The following PDE10A variants were observed in gnomAD, a reference collection of about 807,000 sequenced individuals.
The protein encoded by PDE10A is phosphodiesterase 10A.
Under a neutral mutation model 97.7 loss-of-function variants are expected in PDE10A, and 39 were observed. The ratio of observed to expected loss-of-function variants is 0.40; its 90% confidence interval spans 0.31 to 0.52. The LOEUF (loss-of-function observed/expected upper bound fraction) is 0.52. Among genes scored for constraint, PDE10A ranks in the 20% least tolerant of loss-of-function variants. PDE10A has a pLI of 0.56. For missense variants in PDE10A, 731 were observed against 1,047.8 expected, an observed-to-expected ratio of 0.70 and a Z score of 4.17; for synonymous variants, 371 against 376.8, an observed-to-expected ratio of 0.98 and a Z score of 0.18.
intron 1 of PDE10A, among the ~76,000 whole-genome samples, chr6:165,891,837 G>A (rs1482502461): frequency 6.6e-6 from 1 of 152,028 alleles, no homozygotes; most frequent in Non-Finnish European, 1.5e-5. Context: ...CTCCGTTCTA[G>A]GCAACAAAAG....
chr6:165,847,456 G>A (rs1255083123), intron 1 of PDE10A, among the ~76,000 whole-genome samples: 1 of 152,260 alleles, frequency 6.6e-6, no homozygotes, highest in African/African-American at 2.4e-5. Context: ...CGGCCAAAGT[G>A]GGCAAAACTC....
chr6:165,438,792 T>C (rs750482446), intron 5 of PDE10A, among the ~76,000 whole-genome samples: 19 of 151,782 alleles, frequency 1.3e-4, no homozygotes, highest in Non-Finnish European at 1.3e-4. Flanking sequence ...ATCTGACCTC[T>C]ACAAAAAATA....
At chr6:165,478,602 C>A (rs2128278675) in intron 3 of PDE10A, among the ~76,000 whole-genome samples, 1 of 152,290 alleles carries the variant, frequency 6.6e-6, no homozygotes, top group Admixed American at 6.5e-5. Context: ...AAGTATTTTA[C>A]CCCAAATATA....
At chr6:165,484,958 G>A (rs547998165) in intron 2 of PDE10A, among the ~76,000 whole-genome samples, 1 of 152,222 alleles carries the variant, frequency 6.6e-6, no homozygotes, top group East Asian at 1.9e-4. Flanking sequence ...TTGAAAAGGG[G>A]GAAGACCTCA....
chr6:165,923,973 G>T (rs1376492043), intron 1 of PDE10A, among the ~76,000 whole-genome samples: 1 of 152,082 alleles, frequency 6.6e-6, no homozygotes, highest in Non-Finnish European at 1.5e-5. Flanking sequence ...TGGAGGCCAG[G>T]GATTCAAGAC....
intron 1 of PDE10A, among the ~76,000 whole-genome samples, chr6:165,981,409 C>T (rs753226242): frequency 4.6e-5 from 7 of 152,152 alleles, no homozygotes; most frequent in Non-Finnish European, 8.8e-5. Flanking sequence ...TAATCAAAGT[C>T]ACAGAAATTG....
In PDE10A at chr6:165,957,623, C is replaced by T. The variant is rs1010276500; in HGVS notation, c.-615+29906G>A. ...TGACTTTATTTGTGCAATTTGACTC[C>T]AAAGCCCATGGGAGTCCAGCTCCAA... is the stretch of plus-strand genomic sequence containing the variant. On this transcript the variant is annotated intron_variant, in intron 1 of 19. Transcript: ENST00000366882. Among the ~76,000 whole-genome samples, 13 of 152,314 alleles carry T rather than the reference C, an allele frequency of 8.5e-5. No homozygotes were observed. In the East Asian group the frequency reaches 2.5e-3, roughly 29 times the overall value.
intron 2 of PDE10A, among the ~76,000 whole-genome samples, chr6:165,521,760 C>A (rs775756506): frequency 8.5e-5 from 13 of 152,138 alleles, no homozygotes; most frequent in Non-Finnish European, 1.8e-4. Context: ...TAAGGAAAGA[C>A]GCCATCTCCA....
chr6:165,418,515 G>C lies in PDE10A; in HGVS notation c.1796+120C>G. ...ACCTTCAGGAGGCGGGTCCTGGTGGGAATGATATCACAGTATGACAAGTAT... is the reference window on the plus strand; with the variant it reads ...ACCTTCAGGAGGCGGGTCCTGGTGGCAATGATATCACAGTATGACAAGTAT... On this transcript the variant is annotated intron_variant, in intron 11 of 21. Coordinates refer to ENST00000539869, the MANE Select transcript of PDE10A (RefSeq NM_001385079.1). This position sits in a 1 kb window ranked among gnomAD's most constrained non-coding sequence, Gnocchi z 4.8. 1.1e-6 allele frequency: 1 copy of C among 915,670 alleles called. No individual in the cohort carries two copies. The highest frequency in any genetic ancestry group is 1.7e-6 in the Non-Finnish European group (1 of 604,230). The allele number at this position is 915,670 out of a possible 1,614,324, so 56.7% of individuals were successfully genotyped here.
At chr6:165,549,609 C>A (rs1206319226) in intron 1 of PDE10A, among the ~76,000 whole-genome samples, 2 of 152,150 alleles carry the variant, frequency 1.3e-5, no homozygotes, top group East Asian at 1.9e-4. Flanking sequence ...CAGACGTGAG[C>A]CACCATGCGC....
intron 1 of PDE10A, among the ~76,000 whole-genome samples, chr6:165,560,118 A>G (rs1417064340): frequency 6.6e-6 from 1 of 152,252 alleles, no homozygotes; most frequent in Admixed American, 6.5e-5. Flanking sequence ...GGTTGGTCCT[A>G]AAATAGGAAG....
At chr6:165,691,186 TCC>T (rs879391090) in intron 1 of PDE10A, among the ~76,000 whole-genome samples, 6,536 of 21,078 alleles carry the variant, frequency 0.31, 329 homozygotes, top group Non-Finnish European at 0.4. Flanking sequence ...TCTCTCTCTC[TCC>T]CTCTCTCTCT....
intron 2 of PDE10A, among the ~76,000 whole-genome samples, chr6:165,537,214 T>C (rs1783141104): frequency 6.6e-6 from 1 of 152,126 alleles, no homozygotes; most frequent in Middle Eastern, 3.4e-3. Context: ...TTCTTACTCA[T>C]ATGTGAGAGG....
intron 19 of PDE10A, among the ~76,000 whole-genome samples, chr6:165,342,322 T>C (rs912415634): frequency 6.6e-6 from 1 of 152,248 alleles, no homozygotes; most frequent in Non-Finnish European, 1.5e-5. Flanking sequence ...GGGTCAACTG[T>C]GCATTGAAAT....
intron 1 of PDE10A, chr6:165,754,227 C>T (rs1793067746): frequency 6.6e-6 from 1 of 152,196 alleles, no homozygotes. Context: ...CCTGAAGGCA[C>T]TGGGGCTTGC....
intron 1 of PDE10A, among the ~76,000 whole-genome samples, chr6:165,798,781 T>G (rs1361187049): frequency 6.6e-6 from 1 of 152,164 alleles, no homozygotes; most frequent in Admixed American, 6.5e-5. Context: ...TGGCATGATC[T>G]CGGCTCACTG....
At chr6:165,357,507 C>A (rs1198061976) in intron 18 of PDE10A, among the ~76,000 whole-genome samples, 1 of 151,948 alleles carries the variant, frequency 6.6e-6, no homozygotes, top group Non-Finnish European at 1.5e-5. Context: ...GAGGCCTGGT[C>A]CTGAGGGATG....
intron 1 of PDE10A, among the ~76,000 whole-genome samples, chr6:165,734,505 TA>T (rs1295757496): frequency 1.3e-5 from 2 of 152,126 alleles, no homozygotes; most frequent in Admixed American, 6.5e-5. Context: ...AACCATAATT[TA>T]AAAAAACTTT....
intron 1 of PDE10A, among the ~76,000 whole-genome samples, chr6:165,844,888 C>T (rs1780367849): frequency 6.6e-6 from 1 of 152,114 alleles, no homozygotes; most frequent in Admixed American, 6.6e-5. Context: ...GTGTTGTGAC[C>T]AAGTAGCTCC....
Sources: gnomAD v4.1 joint callset for allele counts (sites outside exome capture counted in the v4.1 genomes callset) on GRCh38, gnomAD v4.1.1 for gene constraint, Gnocchi (gnomAD v3.1) non-coding constraint, MANE v1.5 for transcripts, NCBI Gene and HGNC (gene_info 2026-07-23, HGNC 2026-07-21) for gene names.